RASGRP3: variants seen among roughly 807,000 people sequenced by gnomAD.
The protein encoded by RASGRP3 is ras guanyl-releasing protein 3.
A neutral mutation model predicts 82.7 loss-of-function variants in RASGRP3; 54 were observed. That is an observed-to-expected ratio of 0.65 (90% CI 0.52 to 0.82). The LOEUF is 0.82. RASGRP3 is among the 40% of genes least tolerant of loss of function. The pLI, the probability that RASGRP3 is intolerant of heterozygous loss-of-function variation, is 0.00. For missense variants in RASGRP3, 861 were observed against 828.9 expected (o/e 1.04, Z -0.48); for synonymous variants, 309 against 300.5 (o/e 1.03, Z -0.29).
chr2:33,499,756 T>C (rs1303590355), intron 1 of RASGRP3, among the ~76,000 whole-genome samples: 2 of 132,682 alleles, frequency 1.5e-5, no homozygotes, highest in African/African-American at 6.4e-5. Context: ...CATTAAAATA[T>C]CAAATCCAAA....
intron 1 of RASGRP3, among the ~76,000 whole-genome samples, chr2:33,496,249 T>C (rs1428979941): frequency 6.6e-6 from 1 of 152,188 alleles, no homozygotes; most frequent in African/African-American, 2.4e-5. Flanking sequence ...GAGAAAAAAG[T>C]TTAAAAAGCA....
intron 1 of RASGRP3, among the ~76,000 whole-genome samples, chr2:33,494,191 T>TA (rs897765306): frequency 3.3e-5 from 5 of 152,194 alleles, no homozygotes; most frequent in African/African-American, 1.2e-4. Flanking sequence ...AAAGTGGACA[T>TA]ATTCTGTGTC....
chr2:33,458,936 C>T (rs1445725215), intron 2 of RASGRP3, among the ~76,000 whole-genome samples: 2 of 152,098 alleles, frequency 1.3e-5, no homozygotes, highest in African/African-American at 2.4e-5. Context: ...GGCAAATAGA[C>T]TCTAACTTTT....
At chr2:33,514,505 CAA>C (rs3083005) in intron 2 of RASGRP3, among the ~76,000 whole-genome samples, 8 of 60,664 alleles carry the variant, frequency 1.3e-4, no homozygotes, top group South Asian at 8.5e-4. Context: ...CCCATCTCTA[CAA>C]AAAAAAAAAA....
intron 2 of RASGRP3, among the ~76,000 whole-genome samples, chr2:33,450,599 A>C (rs79325556): frequency 6.6e-6 from 1 of 151,850 alleles, no homozygotes; most frequent in Non-Finnish European, 1.5e-5. Flanking sequence ...TATATACCGC[A>C]TTTTCTTTAT....
chr2:33,514,524 A>AAC (rs1375924454), intron 2 of RASGRP3, among the ~76,000 whole-genome samples: 4 of 149,706 alleles, frequency 2.7e-5, no homozygotes, highest in African/African-American at 9.8e-5. Flanking sequence ...AAAAAAAAAA[A>AAC]AAACCCAAAA....
intron 10 of RASGRP3, chr2:33,533,565 T>A (rs958996526): frequency 6.6e-6 from 1 of 152,244 alleles, no homozygotes; most frequent in Non-Finnish European, 1.5e-5. Context: ...GGGACTTTTA[T>A]GATCATTTCC....
chr2:33,549,828 CTAAAT>C (rs1675199872), intron 14 of RASGRP3, 77 bp downstream of exon 14: 1 of 1,467,230 alleles, frequency 6.8e-7, no homozygotes. Context: ...AAATGATACA[CTAAAT>C]AAAGTTCACT....
chr2:33,552,355 A>G (rs1037511541), intron 14 of RASGRP3, among the ~76,000 whole-genome samples: 2 of 152,242 alleles, frequency 1.3e-5, no homozygotes, highest in Non-Finnish European at 2.9e-5. Context: ...TTGTTGCATG[A>G]TAAAATACTA....
At chr2:33,538,841 C>A (rs1017045690) in intron 11 of RASGRP3, among the ~76,000 whole-genome samples, 5 of 151,896 alleles carry the variant, frequency 3.3e-5, no homozygotes, top group Non-Finnish European at 2.9e-5. Context: ...GAGTTAGAGA[C>A]CAGCCTGTGC....
At chr2:33,499,202 C>T (rs1370693756) in intron 1 of RASGRP3, among the ~76,000 whole-genome samples, 7 of 152,124 alleles carry the variant, frequency 4.6e-5, no homozygotes, top group African/African-American at 1.7e-4. Flanking sequence ...GTGAGTCCCT[C>T]CCTAAGGTGA....
At chr2:33,502,929 C>G (rs187857835) in intron 1 of RASGRP3, among the ~76,000 whole-genome samples, 1 of 152,240 alleles carries the variant, frequency 6.6e-6, no homozygotes, top group African/African-American at 2.4e-5. Flanking sequence ...ATCAGAAACC[C>G]TAGTTTCTCA....
intron 12 of RASGRP3, among the ~76,000 whole-genome samples, chr2:33,542,583 A>T (rs77642532): frequency 0.059 from 8,644 of 146,982 alleles, 1,079 homozygotes; most frequent in South Asian, 0.1. Flanking sequence ...CACTAAGCCA[A>T]TTTCTACTCA....
chr2:33,543,624 A>T lies in RASGRP3; in HGVS notation c.1391A>T (p.Asp464Val), dbSNP rs781437850. ...FLDSFCVLDK[D>V]QDGLISKDEM... ...GATTCCTTCTGTGTTCTGGACAAAGATCAGTAAGTTTTAATTTTGTTTTAT... is the reference window on the plus strand; with the variant it reads ...GATTCCTTCTGTGTTCTGGACAAAGTTCAGTAAGTTTTAATTTTGTTTTAT... Residue 464 changes from aspartate (D) to valine (V), a missense_variant, in exon 13 of 18, where the codon GAT (aspartate) becomes GTT (valine). Asp to Val is a radical substitution (Grantham distance 152). Coordinates refer to ENST00000403687, the MANE Select transcript of RASGRP3 (RefSeq NM_001139488.2). 4.4e-6 allele frequency: 7 copies of T among 1,574,442 alleles called. No homozygotes were observed. The highest frequency in any genetic ancestry group is 6.1e-6 in the Non-Finnish European group (7 of 1,147,936).
chr2:33,523,275 A>G (rs898115013), intron 7 of RASGRP3, among the ~76,000 whole-genome samples: 7 of 152,090 alleles, frequency 4.6e-5, no homozygotes, highest in Non-Finnish European at 7.4e-5. Context: ...CTTCCTGGCC[A>G]ACGTGGTGAA....
In RASGRP3 at chr2:33,555,517, G is replaced by C. The variant is rs1471365532; in HGVS notation, c.1543-14G>C. 6.3e-7 allele frequency: 1 copy of C among 1,590,156 alleles called. No homozygotes were observed. The highest frequency in any genetic ancestry group is 8.6e-7 in the Non-Finnish European group (1 of 1,162,318). The stretch of plus-strand genomic sequence containing the variant: ...TCCTCAGATTCCCTGACATTCCTTT[G>C]TCTTTTGTTACAGCTCTGGGGCATA... On this transcript the variant is annotated splice_polypyrimidine_tract_variant and intron_variant, in intron 14 of 17. Coordinates refer to ENST00000403687, the MANE Select transcript of RASGRP3 (RefSeq NM_001139488.2).
chr2:33,518,722 CT>C (rs1671696873), intron 4 of RASGRP3, among the ~76,000 whole-genome samples: 1 of 149,952 alleles, frequency 6.7e-6, no homozygotes, highest in Non-Finnish European at 1.5e-5. Flanking sequence ...TTTTTTTTTA[CT>C]TTTTAAACTT....
rs535525418 is a variant in RASGRP3, at chr2:33,462,366, T to G, written c.-261+14423T>G. 5.5e-3 allele frequency among the ~76,000 whole-genome samples: 751 copies of G among 137,294 alleles called. 5 individuals are homozygous for G. The highest frequency in any genetic ancestry group is 0.019 in the African/African-American group (704 of 37,764). The allele number at this position is 137,294 out of a possible 152,430, so 90.1% of individuals were successfully genotyped here. On this transcript the variant is annotated intron_variant, in intron 2 of 18. Coordinates refer to the RASGRP3 transcript ENST00000402538. ...ATTTGAGAACAAGAGGATGTAGAGG[T>G]TTTTTTTTTTTGTTTTTCTTTTTTT...
chr2:33,493,153 T>A (rs974538108), intron 1 of RASGRP3: 3 of 152,238 alleles, frequency 2.0e-5, no homozygotes, highest in African/African-American at 7.2e-5. Context: ...CTAGACACAA[T>A]CATCCATTTA....
Sources: gnomAD v4.1 joint callset for allele counts (sites outside exome capture counted in the v4.1 genomes callset) on GRCh38, gnomAD v4.1.1 for gene constraint, MANE v1.5 for transcripts, NCBI Gene and HGNC (gene_info 2026-07-23, HGNC 2026-07-21) for gene names.